STPG2: variants seen among roughly 807,000 people sequenced by gnomAD.
STPG2 encodes sperm-tail PG-rich repeat-containing protein 2.
STPG2 carries 56 observed loss-of-function variants against 54.2 expected under a neutral mutation model. The observed-to-expected ratio is 1.03, with a 90% CI of 0.83 to 1.29. STPG2 has a LOEUF of 1.29. Ranked by LOEUF, STPG2 falls within the 50% of genes most tolerant of loss-of-function variation. The probability of loss-of-function intolerance (pLI) is 0.00; values close to 1 mark genes in which losing one functional copy is unlikely to be tolerated. For synonymous variants in STPG2, 200 were observed against 181.8 expected (o/e 1.10, Z -0.81); for missense variants, 596 against 544.9 (o/e 1.09, Z -0.93).
intron 8 of STPG2, among the ~76,000 whole-genome samples, chr4:97,942,125 ATATATATATGTGTG>A (rs977603585): frequency 1.3e-4 from 20 of 150,278 alleles, no homozygotes; most frequent in African/African-American, 4.9e-4. Context: ...TACGTTTTAA[ATATATATATGTGTG>A]TATATATATA....
chr4:97,456,296 C>G (rs1441814424), intron 4 of STPG2, among the ~76,000 whole-genome samples: 1 of 152,000 alleles, frequency 6.6e-6, no homozygotes, highest in South Asian at 2.1e-4. Context: ...AAAGGGGAAG[C>G]AAGCACATTT....
chr4:98,033,619 C>T (rs1329865808), intron 5 of STPG2, among the ~76,000 whole-genome samples: 1 of 152,110 alleles, frequency 6.6e-6, no homozygotes, highest in South Asian at 2.1e-4. Context: ...CAGCATAATC[C>T]TCATACCAAA....
intron 10 of STPG2, among the ~76,000 whole-genome samples, chr4:97,663,629 ATAT>A: frequency 6.6e-6 from 1 of 152,326 alleles, no homozygotes; most frequent in South Asian, 2.1e-4. Context: ...TTTAACTCTA[ATAT>A]TGAAAATAAT....
chr4:98,043,381 AC>A (rs1737024665), intron 5 of STPG2, among the ~76,000 whole-genome samples: 2 of 151,870 alleles, frequency 1.3e-5, no homozygotes, highest in South Asian at 4.1e-4. Flanking sequence ...CTATTTATTA[AC>A]TATTTGTCTT....
intron 4 of STPG2, among the ~76,000 whole-genome samples, chr4:97,471,745 A>C (rs993332586): frequency 3.3e-5 from 5 of 152,174 alleles, no homozygotes; most frequent in African/African-American, 1.2e-4. Flanking sequence ...AATAAAACTT[A>C]ATATTCCAAG....
chr4:98,052,422 C>T (rs984318289), intron 5 of STPG2, among the ~76,000 whole-genome samples: 2 of 152,144 alleles, frequency 1.3e-5, no homozygotes, highest in Non-Finnish European at 2.9e-5. Context: ...AGTTCTCACA[C>T]CTGCCTCCTG....
chr4:97,533,576 G>C (rs902872463), intron 4 of STPG2, among the ~76,000 whole-genome samples: 14 of 151,970 alleles, frequency 9.2e-5, no homozygotes, highest in Non-Finnish European at 1.9e-4. Context: ...TTTGCAGTCT[G>C]TTCGTCTTGC....
intron 4 of STPG2, among the ~76,000 whole-genome samples, chr4:97,503,086 T>C (rs1352986414): frequency 6.6e-5 from 10 of 152,066 alleles, no homozygotes; most frequent in Admixed American, 6.6e-4. Flanking sequence ...TATAATAGGA[T>C]TATAAATATT....
At chr4:97,911,141 G>A (rs567873114) in intron 8 of STPG2, among the ~76,000 whole-genome samples, 7 of 152,358 alleles carry the variant, frequency 4.6e-5, no homozygotes, top group African/African-American at 1.7e-4. Context: ...ACAGATCTTT[G>A]CAACCCACGA....
intron 5 of STPG2, among the ~76,000 whole-genome samples, chr4:98,035,024 G>GGACATAGGC (rs1736726084): frequency 6.6e-6 from 1 of 152,168 alleles, no homozygotes; most frequent in Non-Finnish European, 1.5e-5. Context: ...ATACCATTCA[G>GGACATAGGC]GACATAGGCA....
At chr4:97,679,367 T>A (rs933576593) in intron 10 of STPG2, among the ~76,000 whole-genome samples, 1 of 152,288 alleles carries the variant, frequency 6.6e-6, no homozygotes, top group East Asian at 1.9e-4. Flanking sequence ...TGCATTTCTC[T>A]GATGGCCAGT....
At chr4:98,064,316 G>A (rs1338008771) in intron 5 of STPG2, among the ~76,000 whole-genome samples, 4 of 152,028 alleles carry the variant, frequency 2.6e-5, no homozygotes, top group African/African-American at 4.8e-5. Flanking sequence ...TCTTGTTATC[G>A]CTACTACAGA....
At chr4:97,908,059 A>G (rs1731517215) in intron 8 of STPG2, among the ~76,000 whole-genome samples, 1 of 152,048 alleles carries the variant, frequency 6.6e-6, no homozygotes, top group Non-Finnish European at 1.5e-5. Flanking sequence ...AGCAAAAGAA[A>G]CTACCATCAG....
At chr4:97,867,963 A>G (rs1295505183) in intron 8 of STPG2, among the ~76,000 whole-genome samples, 1 of 152,042 alleles carries the variant, frequency 6.6e-6, no homozygotes, top group Admixed American at 6.6e-5. Context: ...TTGCCAACCC[A>G]AACAAAATTA....
chr4:97,974,756 C>G (rs1317049772), intron 6 of STPG2, among the ~76,000 whole-genome samples: 3 of 151,932 alleles, frequency 2.0e-5, no homozygotes, highest in African/African-American at 7.2e-5. Context: ...CCATGTGGAA[C>G]TGTAAGTCCA....
At chr4:97,515,972 T>C (rs1218559771) in intron 4 of STPG2, among the ~76,000 whole-genome samples, 1 of 152,128 alleles carries the variant, frequency 6.6e-6, no homozygotes, top group Non-Finnish European at 1.5e-5. Context: ...TCACCATATT[T>C]TTAACACTTA....
At chr4:97,873,339 A>G (rs1730058671) in intron 8 of STPG2, among the ~76,000 whole-genome samples, 1 of 151,450 alleles carries the variant, frequency 6.6e-6, no homozygotes, top group Admixed American at 6.6e-5. Context: ...CAGAGAAAGT[A>G]GCTTAAAATT....
At position 97,676,220 on chromosome 4, in the gene STPG2, C is replaced by T. The variant is rs754712678; in HGVS notation, c.1320+36479G>A. On this transcript the variant is annotated intron_variant, in intron 10 of 10. Transcript: ENST00000295268. The stretch of plus-strand genomic sequence containing the variant: ...ATTCAGAAGCTTTATGCATGTCAAA[C>T]GACAGCTATGAAGTTAGTGACAGTA... 2.1e-3 allele frequency among the ~76,000 whole-genome samples: 317 copies of T among 151,320 alleles called. 1 individual carries two copies. The highest frequency in any genetic ancestry group is 3.7e-3 in the Non-Finnish European group (252 of 67,854).
intron 4 of STPG2, among the ~76,000 whole-genome samples, chr4:97,492,036 A>G (rs1160716857): frequency 6.6e-6 from 1 of 151,450 alleles, no homozygotes; most frequent in Non-Finnish European, 1.5e-5. Context: ...GTAGCCAATA[A>G]AGTATGATTT....
Sources: allele counts gnomAD v4.1 joint callset (sites outside exome capture counted in the v4.1 genomes callset), GRCh38; gene constraint gnomAD v4.1.1; transcripts MANE v1.5; gene names NCBI Gene and HGNC (gene_info 2026-07-23, HGNC 2026-07-21).